Variants in WWOX observed in about 807,000 individuals in gnomAD.
WWOX encodes the protein WW domain containing oxidoreductase, also known as WW domain-containing oxidoreductase.
WWOX carries 69 observed loss-of-function variants against 46.2 expected under a neutral mutation model. The observed-to-expected ratio is 1.49, with a 90% CI of 1.23 to 1.82. WWOX has a LOEUF of 1.82. Among genes scored for constraint, WWOX ranks in the 40% most tolerant of loss-of-function variants. WWOX has a pLI of 0.00. For missense variants in WWOX, 919 were observed against 542.6 expected (o/e 1.69, Z -6.89); for synonymous variants, 359 against 202.6 (o/e 1.77, Z -6.56).
intron 8 of WWOX, among the ~76,000 whole-genome samples, chr16:78,843,241 G>C (rs917806472): frequency 1.0e-4 from 15 of 150,060 alleles, no homozygotes; most frequent in African/African-American, 3.6e-4. Context: ...TCCAATTCCA[G>C]ATCCTTCATG....
intron 8 of WWOX, among the ~76,000 whole-genome samples, chr16:78,881,258 C>A (rs2044338057): frequency 6.6e-6 from 1 of 152,156 alleles, no homozygotes; most frequent in East Asian, 1.9e-4. Flanking sequence ...CGTGCCTCAG[C>A]CTCCCAAAGT....
At chr16:78,120,801 G>A (rs973199038) in intron 4 of WWOX, among the ~76,000 whole-genome samples, 11 of 152,232 alleles carry the variant, frequency 7.2e-5, no homozygotes, top group Admixed American at 6.5e-4. Context: ...CCAGTTCTAC[G>A]TGAATAGAAG....
intron 8 of WWOX, among the ~76,000 whole-genome samples, chr16:78,455,705 AAATTT>A (rs1262141128): frequency 6.6e-6 from 1 of 151,620 alleles, no homozygotes; most frequent in Non-Finnish European, 1.5e-5. Context: ...TAACATTTCA[AAATTT>A]AAATCAAGAC....
intron 8 of WWOX, among the ~76,000 whole-genome samples, chr16:78,693,729 C>T (rs1422500738): frequency 6.6e-6 from 1 of 151,994 alleles, no homozygotes. Flanking sequence ...ACAGGGTGGC[C>T]CTTACCACAG....
Position 78,424,952 on chromosome 16 carries a change from C to G in WWOX, c.688C>G (p.Gln230Glu), listed in dbSNP as rs1057524749. ...CAAAGATGGCCTGGAGACCACCTTT[C>G]AAGTGAATCATCTGGGGCACTTCTA... is the stretch of plus-strand genomic sequence containing the variant. ...LTKDGLETTF[Q>E]VNHLGHFYLV... The change falls in exon 7 of 9, where the codon CAA (glutamine) becomes GAA (glutamate). Residue 230 changes from glutamine to glutamate, a missense_variant. Physicochemically the swap from Gln to Glu is conservative, Grantham distance 29. Transcript: ENST00000566780. 2.5e-6 allele frequency: 4 copies of G among 1,614,148 alleles called. No individual in the cohort carries two copies. Among genetic ancestry groups the G allele is most frequent in the East Asian group, 4.5e-5 (2 of 44,868 alleles).
At chr16:79,119,977 C>A (rs62038839) in intron 8 of WWOX, among the ~76,000 whole-genome samples, 1 of 152,140 alleles carries the variant, frequency 6.6e-6, no homozygotes, top group African/African-American at 2.4e-5. Flanking sequence ...CTCCACTTTC[C>A]TACAGTCCAG....
At chr16:79,160,391 T>A (rs182784046) in intron 8 of WWOX, among the ~76,000 whole-genome samples, 2 of 152,254 alleles carry the variant, frequency 1.3e-5, no homozygotes. Context: ...GTCACCTGCA[T>A]TCCCCTAGAC....
chr16:78,807,876 A>G (rs2051084084), intron 8 of WWOX, among the ~76,000 whole-genome samples: 2 of 152,222 alleles, frequency 1.3e-5, no homozygotes, highest in Admixed American at 6.5e-5. Flanking sequence ...AACTAGCCTC[A>G]TTTCAAGTGC....
At chr16:78,717,948 A>G (rs2048604494) in intron 8 of WWOX, among the ~76,000 whole-genome samples, 3 of 151,834 alleles carry the variant, frequency 2.0e-5, no homozygotes, top group African/African-American at 7.3e-5. Context: ...AAATGGATCC[A>G]CTTTTACTAC....
At chr16:79,006,568 A>C (rs1376857999) in intron 8 of WWOX, among the ~76,000 whole-genome samples, 1 of 151,496 alleles carries the variant, frequency 6.6e-6, no homozygotes, top group Admixed American at 6.6e-5. Context: ...ATTTGTTTTC[A>C]ATTGCTGCTG....
intron 7 of WWOX, among the ~76,000 whole-genome samples, chr16:78,427,540 A>ATG (rs1304844072): frequency 6.6e-6 from 1 of 151,454 alleles, no homozygotes; most frequent in Non-Finnish European, 1.5e-5. Flanking sequence ...ACACGCACGC[A>ATG]CGCACACACA....
chr16:78,942,167 A>C (rs2045864878), intron 8 of WWOX, among the ~76,000 whole-genome samples: 1 of 152,216 alleles, frequency 6.6e-6, no homozygotes, highest in Admixed American at 6.5e-5. Flanking sequence ...ATGGAGAAGC[A>C]GAGTGGGTGC....
chr16:78,514,611 C>A (rs566544320), intron 8 of WWOX, among the ~76,000 whole-genome samples: 2 of 152,218 alleles, frequency 1.3e-5, no homozygotes, highest in East Asian at 3.9e-4. Flanking sequence ...CCTTACCTGT[C>A]CCAGGGCAAG....
chr16:79,196,138 T>C (rs2051235293), intron 8 of WWOX, among the ~76,000 whole-genome samples: 1 of 152,228 alleles, frequency 6.6e-6, no homozygotes, highest in Non-Finnish European at 1.5e-5. Flanking sequence ...AGAAGTGCAG[T>C]GTGAGCAAAA....
intron 6 of WWOX, among the ~76,000 whole-genome samples, chr16:78,402,953 C>T (rs949465796): frequency 2.2e-4 from 34 of 152,282 alleles, no homozygotes; most frequent in African/African-American, 7.5e-4. Context: ...TCTTCATTAG[C>T]TATTCCCAGG....
In WWOX at chr16:78,238,580, G is replaced by T. The variant is rs553847748; in HGVS notation, c.516+74291G>T. Among the ~76,000 whole-genome samples, 6 of 151,914 alleles carry T rather than the reference G, an allele frequency of 3.9e-5. No homozygotes were observed. In the East Asian group the frequency reaches 7.8e-4, roughly 20 times the overall value. ...GTTATAGGATGTTGCCCCAAACCCC[G>T]CAAAGGTATTTTGTAATATGCAGTA... On this transcript the variant is annotated intron_variant, in intron 5 of 8. Transcript: ENST00000566780.
At chr16:78,230,645 G>A (rs2037229947) in intron 5 of WWOX, among the ~76,000 whole-genome samples, 1 of 152,174 alleles carries the variant, frequency 6.6e-6, no homozygotes, top group Non-Finnish European at 1.5e-5. Flanking sequence ...AATTCGCAAA[G>A]GTTTTCAAAT....
intron 6 of WWOX, among the ~76,000 whole-genome samples, chr16:78,408,172 T>G (rs1207796443): frequency 6.6e-6 from 1 of 152,174 alleles, no homozygotes; most frequent in African/African-American, 2.4e-5. Context: ...CGGACCAGAT[T>G]GAGAACTTGT....
At chr16:79,117,277 A>T (rs1177730819) in intron 8 of WWOX, among the ~76,000 whole-genome samples, 1 of 152,098 alleles carries the variant, frequency 6.6e-6, no homozygotes, top group Admixed American at 6.6e-5. Context: ...CCACAGTGCC[A>T]CAATTACAGG....
Sources: gnomAD v4.1 joint callset for allele counts (sites outside exome capture counted in the v4.1 genomes callset) on GRCh38, gnomAD v4.1.1 for gene constraint, MANE v1.5 for transcripts, NCBI Gene and HGNC (gene_info 2026-07-23, HGNC 2026-07-21) for gene names.